ARHGAP39: variants seen among roughly 807,000 people sequenced by gnomAD.
The protein encoded by ARHGAP39 is rho GTPase-activating protein 39.
ARHGAP39 carries 44 observed loss-of-function variants against 106.9 expected under a neutral mutation model. The ratio of observed to expected loss-of-function variants is 0.41; its 90% confidence interval spans 0.32 to 0.53. ARHGAP39 has a LOEUF of 0.53. Ranked by LOEUF, ARHGAP39 falls within the 20% of genes least tolerant of loss-of-function variation. The pLI is 0.21. For missense variants in ARHGAP39, 1,496 were observed against 1,577.3 expected, an observed-to-expected ratio of 0.95 and a Z score of 0.87; for synonymous variants, 768 against 693.2, an observed-to-expected ratio of 1.11 and a Z score of -1.69.
chr8:144,648,344 T>C (rs1486679942), intron 1 of ARHGAP39, among the ~76,000 whole-genome samples: 2 of 152,194 alleles, frequency 1.3e-5, no homozygotes, highest in African/African-American at 4.8e-5. Context: ...ATACAACTAT[T>C]TTAGGCCCCT....
At position 144,644,214 on chromosome 8, in the gene ARHGAP39, G is replaced by A. The variant is rs1033738290; in HGVS notation, c.-81-38519C>T. Among the ~76,000 whole-genome samples the A allele has an allele frequency of 1.3e-5, 2 of 152,160 alleles. No homozygotes were observed. Among genetic ancestry groups the A allele is most frequent in the African/African-American group, 4.8e-5 (2 of 41,442 alleles). On this transcript the variant is annotated intron_variant, in intron 1 of 11. Coordinates refer to ENST00000377307, the MANE Select transcript of ARHGAP39 (RefSeq NM_025251.3). The surrounding 1 kb of genome is among the most constrained non-coding windows in gnomAD (Gnocchi z 4.8). ...AAAAGACGGTGGACCCACTCAATGC[G>A]ATGCTTCAGCCATAGAGAGGGATTG...
intron 3 of ARHGAP39, among the ~76,000 whole-genome samples, chr8:144,568,049 G>A (rs1303501930): frequency 1.3e-5 from 2 of 151,942 alleles, no homozygotes; most frequent in East Asian, 1.9e-4. Flanking sequence ...GACCCTGTGG[G>A]GCTGGACCCT....
intron 6 of ARHGAP39, among the ~76,000 whole-genome samples, chr8:144,543,333 A>C (rs1817274221): frequency 6.6e-6 from 1 of 152,188 alleles, no homozygotes; most frequent in Non-Finnish European, 1.5e-5. Context: ...TCCTAGGCAC[A>C]GGAGGCTGGC....
At chr8:144,536,085 C>T (rs1276055806) in intron 7 of ARHGAP39, among the ~76,000 whole-genome samples, 1 of 151,700 alleles carries the variant, frequency 6.6e-6, no homozygotes, top group Non-Finnish European at 1.5e-5. Flanking sequence ...GTGGGCAGTG[C>T]CCATCGCCAG....
the ARHGAP39 span, among the ~76,000 whole-genome samples, chr8:144,694,706 G>A: frequency 6.6e-6 from 1 of 152,186 alleles, no homozygotes; most frequent in African/African-American, 2.4e-5. Context: ...TGGACAAGCT[G>A]TTTTCATGGC....
intron 2 of ARHGAP39, among the ~76,000 whole-genome samples, chr8:144,594,036 C>G (rs751867074): frequency 1.3e-5 from 2 of 149,728 alleles, no homozygotes; most frequent in South Asian, 4.2e-4. Context: ...TTGCAATGAG[C>G]CGAGATCACA....
chr8:144,660,563 G>A (rs1821797377), intron 1 of ARHGAP39, among the ~76,000 whole-genome samples: 3 of 152,172 alleles, frequency 2.0e-5, no homozygotes, highest in South Asian at 2.1e-4. Context: ...CCATGATTCC[G>A]TGCTCAGCAG....
intron 1 of ARHGAP39, among the ~76,000 whole-genome samples, chr8:144,669,506 CAAAAAAA>C (rs55678140): frequency 9.2e-4 from 55 of 59,736 alleles, no homozygotes; most frequent in African/African-American, 3.6e-3. Context: ...GACTCGGTCT[CAAAAAAA>C]AAAAAAAAAA....
Position 144,547,840 on chromosome 8 carries a change from G to A in ARHGAP39, c.1246C>T (p.His416Tyr), listed in dbSNP as rs775838419. The change falls in exon 5 of 12, where the codon CAC (histidine) becomes TAC (tyrosine). Residue 416 changes from histidine (H) to tyrosine (Y), a missense_variant. By Grantham distance (83) the His-to-Tyr change is moderately conservative (BLOSUM62 2). This residue lies in a region of ARHGAP39 where 905 missense variants were observed against 816.4 expected (regional missense o/e 1.11). Coordinates refer to ENST00000377307, the MANE Select transcript of ARHGAP39 (RefSeq NM_025251.3). This position sits in a 1 kb window ranked among gnomAD's most constrained non-coding sequence, Gnocchi z 5.2. ...SSPKLRAGPR[H>Y]KYAPNPGGGS... ...CCGCCGGGGTTGGGCGCGTACTTGT[G>A]CCGCGGGCCGGCGCGCAGCTTGGGG... The A allele has an allele frequency of 9.4e-6, 15 of 1,588,558 alleles. No individual in the cohort carries two copies. Among genetic ancestry groups the A allele is most frequent in the South Asian group, 1.1e-5 (1 of 88,252 alleles).
intron 3 of ARHGAP39, among the ~76,000 whole-genome samples, chr8:144,559,249 C>T (rs761037829): frequency 6.8e-6 from 1 of 147,008 alleles, no homozygotes; most frequent in Non-Finnish European, 1.5e-5. Flanking sequence ...GGAAGGGTGA[C>T]ACATGCCTGT....
chr8:144,590,198 AGATGC>A (rs1240529829), intron 2 of ARHGAP39, among the ~76,000 whole-genome samples: 2 of 152,182 alleles, frequency 1.3e-5, no homozygotes, highest in Non-Finnish European at 2.9e-5. Context: ...CATCTCCGGA[AGATGC>A]CATTGACACT....
intron 1 of ARHGAP39, among the ~76,000 whole-genome samples, chr8:144,618,790 C>T (rs1488161497): frequency 6.6e-6 from 1 of 152,248 alleles, no homozygotes; most frequent in Non-Finnish European, 1.5e-5. Flanking sequence ...CCTGCTGGGG[C>T]CTCCCCAGCC....
chr8:144,571,703 C>T (rs556472804), intron 3 of ARHGAP39, among the ~76,000 whole-genome samples: 1 of 152,076 alleles, frequency 6.6e-6, no homozygotes, highest in African/African-American at 2.4e-5. Flanking sequence ...TCAAATTGTC[C>T]CTGTTTGCAG....
At chr8:144,639,081 C>G (rs145007569) in intron 1 of ARHGAP39, among the ~76,000 whole-genome samples, 1 of 152,216 alleles carries the variant, frequency 6.6e-6, no homozygotes, top group East Asian at 1.9e-4. Context: ...AATCCCGACA[C>G]TTTGGGAGGC....
chr8:144,623,150 T>C (rs1380088115), intron 1 of ARHGAP39, among the ~76,000 whole-genome samples: 1 of 152,172 alleles, frequency 6.6e-6, no homozygotes, highest in Non-Finnish European at 1.5e-5. Flanking sequence ...AATTTTAGAC[T>C]TCAACAAATT....
intron 3 of ARHGAP39, among the ~76,000 whole-genome samples, chr8:144,558,466 T>C (rs557438380): frequency 1.3e-5 from 2 of 152,220 alleles, no homozygotes; most frequent in East Asian, 3.9e-4. Context: ...CTAATTTTTG[T>C]ATTTTTATTA....
chr8:144,626,600 C>T (rs1352415211), intron 1 of ARHGAP39, among the ~76,000 whole-genome samples: 6 of 151,954 alleles, frequency 3.9e-5, no homozygotes, highest in Non-Finnish European at 7.4e-5. Context: ...CCTGTCCCGG[C>T]GGCCCCGTTC....
intron 1 of ARHGAP39, among the ~76,000 whole-genome samples, chr8:144,674,620 G>C (rs1483107592): frequency 2.0e-5 from 3 of 152,182 alleles, no homozygotes; most frequent in Non-Finnish European, 4.4e-5. Context: ...CTTCATCAGG[G>C]ACCTGCCCCT....
At chr8:144,559,101 G>A (rs978054168) in intron 3 of ARHGAP39, among the ~76,000 whole-genome samples, 1 of 151,940 alleles carries the variant, frequency 6.6e-6, no homozygotes, top group Non-Finnish European at 1.5e-5. Flanking sequence ...CCAGCTACTC[G>A]GGAGGCTGAG....
Sources: gnomAD v4.1 joint callset for allele counts (sites outside exome capture counted in the v4.1 genomes callset) on GRCh38, gnomAD v4.1.1 for gene constraint, gnomAD v4.1.1 regional missense constraint, Gnocchi (gnomAD v3.1) non-coding constraint, MANE v1.5 for transcripts, NCBI Gene and HGNC (gene_info 2026-07-23, HGNC 2026-07-21) for gene names.